AOX1: variants seen among roughly 807,000 people sequenced by gnomAD.
AOX1 encodes aldehyde oxidase 1, also known as aldehyde oxidase.
Under a neutral mutation model 169.5 loss-of-function variants are expected in AOX1, and 153 were observed. The ratio of observed to expected loss-of-function variants is 0.90; its 90% CI spans 0.79 to 1.03. The LOEUF (loss-of-function observed/expected upper bound fraction) is 1.03, where lower values mean the gene tolerates loss of function less well. Among genes scored for constraint, AOX1 ranks in the 50% least tolerant of loss-of-function variants. The pLI is 0.00. For missense variants in AOX1, 1,656 were observed against 1,663.9 expected (o/e 1.00, Z 0.08); for synonymous variants, 562 against 581.9 (o/e 0.97, Z 0.49).
chr2:200,650,040 T>A (rs576651060), intron 25 of AOX1, among the ~76,000 whole-genome samples: 2 of 152,130 alleles, frequency 1.3e-5, no homozygotes, highest in Non-Finnish European at 2.9e-5. Context: ...AGGCCCCAGG[T>A]CCCAATTCAT....
intron 24 of AOX1, among the ~76,000 whole-genome samples, chr2:200,641,656 T>A (rs542668229): frequency 6.6e-6 from 1 of 152,164 alleles, no homozygotes; most frequent in South Asian, 2.1e-4. Context: ...GCCTCCCAGG[T>A]AGCTGGGACT....
At position 200,634,839 on chromosome 2, in the gene AOX1, G is replaced by A; in HGVS notation, c.2270G>A (p.Ser757Asn). The A allele has an allele frequency of 6.2e-7, 1 of 1,614,040 alleles. No individual in the cohort carries two copies. The highest frequency in any genetic ancestry group is 8.5e-7 in the Non-Finnish European group (1 of 1,179,958). The change falls in exon 21 of 35, where the codon AGC becomes AAC. Residue 757 changes from serine to asparagine, a missense_variant. Coordinates refer to ENST00000374700, the MANE Select transcript of AOX1 (RefSeq NM_001159.4). ...GQEHFYMETQ[S>N]MLVVPKGEDQ... ...GAACATTTTTATATGGAAACCCAAA[G>A]CATGCTTGTCGTTCCCAAGGGAGAG... is the stretch of plus-strand genomic sequence containing the variant.
At chr2:200,662,219 C>T (rs2035841260) in intron 30 of AOX1, among the ~76,000 whole-genome samples, 1 of 152,214 alleles carries the variant, frequency 6.6e-6, no homozygotes, top group South Asian at 2.1e-4. Context: ...TGGGCACTGA[C>T]TGCCTGTCAG....
In AOX1 at chr2:200,604,069, A is replaced by G; in HGVS notation, c.641A>G (p.Gln214Arg). ...GAGTTTCTGCCATTGGATCCAACCCAGGAACTGATATTTCCTCCTGAGCTA... is the reference window on the plus strand; with the variant it reads ...GAGTTTCTGCCATTGGATCCAACCCGGGAACTGATATTTCCTCCTGAGCTA... The part of the protein sequence containing the change: ...EEEFLPLDPT[Q>R]ELIFPPELMI... Residue 214 changes from glutamine (Q) to arginine (R), a missense_variant, in exon 8 of 35, where the codon CAG becomes CGG. By Grantham distance (43) the Gln-to-Arg change is conservative. Transcript: ENST00000374700. 1 of 1,613,212 alleles carries G rather than the reference A, an allele frequency of 6.2e-7. No homozygotes were observed. The highest frequency in any genetic ancestry group is 8.5e-7 in the Non-Finnish European group (1 of 1,179,156).
chr2:200,617,663 G>T (rs2034792902), intron 16 of AOX1, among the ~76,000 whole-genome samples: 2 of 132,448 alleles, frequency 1.5e-5, no homozygotes, highest in South Asian at 4.8e-4. Flanking sequence ...TTAACTCCCA[G>T]ACCCATTACA....
chr2:200,657,190 A>ATATATATATATTTTTTTTTTTTTT, intron 27 of AOX1, among the ~76,000 whole-genome samples: 4 of 62,916 alleles, frequency 6.4e-5, no homozygotes, highest in African/African-American at 3.2e-4. Flanking sequence ...ATATATATAT[A>ATATATATATATTTTTTTTTTTTTT]TTTTTTTTTT....
intron 16 of AOX1, among the ~76,000 whole-genome samples, chr2:200,616,602 C>T (rs1056700783): frequency 3.3e-5 from 5 of 152,192 alleles, no homozygotes; most frequent in Admixed American, 1.3e-4. Flanking sequence ...TTGAATCAAA[C>T]GTAAGTACTA....
At chr2:200,633,653 A>C (rs1311247633) in intron 20 of AOX1, among the ~76,000 whole-genome samples, 1 of 152,028 alleles carries the variant, frequency 6.6e-6, no homozygotes, top group Non-Finnish European at 1.5e-5. Context: ...CAGCTGCTTT[A>C]AAATCCTTGT....
In AOX1 at chr2:200,599,612, G is replaced by T. The variant is rs1443875327; in HGVS notation, c.310-8G>T. The T allele has an allele frequency of 1.2e-6, 2 of 1,603,212 alleles. No homozygotes were observed. Among genetic ancestry groups the T allele is most frequent in the African/African-American group, 1.3e-5 (1 of 74,106 alleles). On this transcript the variant is annotated splice_region_variant and splice_polypyrimidine_tract_variant and intron_variant, in intron 4 of 34. Coordinates refer to ENST00000374700, the MANE Select transcript of AOX1 (RefSeq NM_001159.4). Reference sequence around the variant, plus strand: ...AATTCTGCATTTCTAACCTTTCTGTGCTTCCAGGAGAGGATTGCCAAGTGT... The same window carrying T: ...AATTCTGCATTTCTAACCTTTCTGTTCTTCCAGGAGAGGATTGCCAAGTGT...
rs72931937 is a variant in AOX1 at position 200,638,871 on chromosome 2, G to A, written c.2568+569G>A. 2.0e-4 allele frequency among the ~76,000 whole-genome samples: 31 copies of A among 152,124 alleles called. No homozygotes were observed. In the South Asian group the frequency reaches 3.5e-3, roughly 17 times the overall value. On this transcript the variant is annotated intron_variant, in intron 23 of 34. Coordinates refer to ENST00000374700, the MANE Select transcript of AOX1 (RefSeq NM_001159.4). ...TTAAAAGCTCTTAAACTTTCATTAC[G>A]TCATTTCTTGCTCAAGTAACAGCTC... is the stretch of plus-strand genomic sequence containing the variant.
chr2:200,643,905 C>T lies in AOX1; in HGVS notation c.2847+1104C>T, dbSNP rs566869659. Among the ~76,000 whole-genome samples, 8 of 151,954 alleles carry T rather than the reference C, an allele frequency of 5.3e-5. No individual in the cohort carries two copies. In the East Asian group the frequency reaches 1.4e-3, roughly 26 times the overall value. On this transcript the variant is annotated intron_variant, in intron 25 of 34. Coordinates refer to ENST00000374700, the MANE Select transcript of AOX1 (RefSeq NM_001159.4). ...TCCTTAGCCCACTTTTTGATGGGGT[C>T]GTTTGTTTTTTTCTTACTGATTTGT...
chr2:200,628,876 G>A (rs942553761), intron 20 of AOX1, among the ~76,000 whole-genome samples: 18 of 152,098 alleles, frequency 1.2e-4, no homozygotes, highest in African/African-American at 3.9e-4. Context: ...GCAGTGAGCC[G>A]AGATTGCACC....
At chr2:200,613,750 G>T in intron 14 of AOX1, 54 bp from the exon 15 acceptor site, 2 of 1,527,192 alleles carry the variant, frequency 1.3e-6, no homozygotes, top group South Asian at 1.2e-5. Context: ...ATTAGATGAA[G>T]ATATGGGGTA....
intron 26 of AOX1, among the ~76,000 whole-genome samples, chr2:200,655,317 G>A (rs563286531): frequency 6.6e-6 from 1 of 152,302 alleles, no homozygotes; most frequent in East Asian, 1.9e-4. Context: ...GTTGCAGCTG[G>A]CATCACCTGA....
chr2:200,597,863 C>G (rs1247098065), intron 4 of AOX1, among the ~76,000 whole-genome samples: 1 of 152,182 alleles, frequency 6.6e-6, no homozygotes, highest in Non-Finnish European at 1.5e-5. Flanking sequence ...AATCCCAACA[C>G]TTTGGGAGGC....
Position 200,666,756 on chromosome 2 carries a change from C to T in AOX1, c.3609+4C>T, listed in dbSNP as rs143720738. 2.1e-4 allele frequency: 341 copies of T among 1,606,954 alleles called. 2 individuals carry two copies. The highest frequency in any genetic ancestry group is 2.5e-4 in the Non-Finnish European group (292 of 1,176,670). ...TCCAGCCATTGACATAGGCCAGGTA[C>T]GTGTAACTGATGTGTCTCACTTTCT... On this transcript the variant is annotated splice_donor_region_variant and intron_variant, in intron 32 of 34. Transcript: ENST00000374700.
At chr2:200,588,108 TGGGGACAGAGA>T (rs879785851) in intron 1 of AOX1, 1 of 152,392 alleles carries the variant, frequency 6.6e-6, no homozygotes, top group Non-Finnish European at 1.5e-5. Context: ...AAGCACAGCG[TGGGGACAGAGA>T]GTATGCAGGA....
intron 16 of AOX1, among the ~76,000 whole-genome samples, chr2:200,616,454 A>G (rs941020110): frequency 6.6e-6 from 1 of 152,248 alleles, no homozygotes; most frequent in Non-Finnish European, 1.5e-5. Flanking sequence ...AGAGGAAAAG[A>G]CACAGCCCCT....
chr2:200,655,920 G>A (rs1018538322), intron 26 of AOX1, among the ~76,000 whole-genome samples: 1 of 152,172 alleles, frequency 6.6e-6, no homozygotes, highest in Non-Finnish European at 1.5e-5. Flanking sequence ...ATCTAAGTGA[G>A]CAACTAAGGC....
Sources: allele counts gnomAD v4.1 joint callset (sites outside exome capture counted in the v4.1 genomes callset), GRCh38; gene constraint gnomAD v4.1.1; transcripts MANE v1.5; gene names NCBI Gene and HGNC (gene_info 2026-07-23, HGNC 2026-07-21).